The following GRM3 variants were observed in gnomAD, a reference collection of about 807,000 sequenced individuals.
GRM3 encodes metabotropic glutamate receptor 3.
GRM3 carries 26 observed loss-of-function variants against 70.5 expected under a neutral mutation model. The observed-to-expected ratio is 0.37, with a 90% CI of 0.27 to 0.51. GRM3 has a LOEUF of 0.51. Among genes scored for constraint, GRM3 ranks in the 20% least tolerant of loss-of-function variants. GRM3 has a pLI of 0.93. For missense variants in GRM3, 859 were observed against 1,123.8 expected, an observed-to-expected ratio of 0.76 and a Z score of 3.37; for synonymous variants, 443 against 434.9, an observed-to-expected ratio of 1.02 and a Z score of -0.23.
At chr7:86,755,201 A>T (rs1796316418) in intron 1 of GRM3, among the ~76,000 whole-genome samples, 1 of 152,062 alleles carries the variant, frequency 6.6e-6, no homozygotes, top group African/African-American at 2.4e-5. Flanking sequence ...TTTCCAGGAA[A>T]AAAAAAAAGG....
chr7:86,863,562 C>G (rs1798998756), intron 5 of GRM3, among the ~76,000 whole-genome samples: 1 of 152,134 alleles, frequency 6.6e-6, no homozygotes, highest in Non-Finnish European at 1.5e-5. Context: ...GAAACTGAAG[C>G]TCTTAGCAAC....
rs115192986 is a variant in GRM3 at position 86,658,475 on chromosome 7, A to G, written c.-141+13603A>G. On this transcript the variant is annotated intron_variant, in intron 1 of 5. Transcript: ENST00000361669. ...CCCTTCAGGGCTCAGTTTAAATTCT[A>G]TACTACTTCTGACCTTCTATAGTAG... is the stretch of plus-strand genomic sequence containing the variant. Among the ~76,000 whole-genome samples, 926 of 152,206 alleles carry G rather than the reference A, an allele frequency of 6.1e-3. 5 individuals carry two copies. The highest frequency in any genetic ancestry group is 0.017 in the African/African-American group (687 of 41,540).
intron 1 of GRM3, among the ~76,000 whole-genome samples, chr7:86,756,464 T>C (rs946953258): frequency 1.9e-4 from 29 of 152,168 alleles, no homozygotes; most frequent in Admixed American, 1.9e-3. Context: ...TTTCAACTTC[T>C]TAAAGTATAG....
At chr7:86,723,803 C>T (rs925002941) in intron 1 of GRM3, among the ~76,000 whole-genome samples, 2 of 152,098 alleles carry the variant, frequency 1.3e-5, no homozygotes, top group Non-Finnish European at 2.9e-5. Flanking sequence ...TGTTCCCCAG[C>T]TCCACCCTCA....
chr7:86,811,735 T>C (rs1339521216), intron 3 of GRM3, among the ~76,000 whole-genome samples: 1 of 151,826 alleles, frequency 6.6e-6, no homozygotes, highest in Non-Finnish European at 1.5e-5. Context: ...AACAACATTA[T>C]ATTAAGAATT....
At chr7:86,731,994 G>A (rs1795745577) in intron 1 of GRM3, among the ~76,000 whole-genome samples, 1 of 151,952 alleles carries the variant, frequency 6.6e-6, no homozygotes, top group South Asian at 2.1e-4. Flanking sequence ...ATTTTTCTAA[G>A]GTATTGAGGA....
intron 1 of GRM3, among the ~76,000 whole-genome samples, chr7:86,663,930 T>G (rs1422095525): frequency 1.3e-5 from 2 of 151,948 alleles, no homozygotes; most frequent in African/African-American, 4.8e-5. Flanking sequence ...TAGAGTTAAC[T>G]AAGTGAAGAG....
chr7:86,809,570 T>C (rs1002494669), intron 3 of GRM3, among the ~76,000 whole-genome samples: 1 of 152,072 alleles, frequency 6.6e-6, no homozygotes, highest in African/African-American at 2.4e-5. Context: ...TCTTTCCCCG[T>C]AATAATTTAT....
intron 1 of GRM3, among the ~76,000 whole-genome samples, chr7:86,683,702 G>T (rs1794495406): frequency 6.6e-6 from 1 of 152,244 alleles, no homozygotes; most frequent in East Asian, 1.9e-4. Flanking sequence ...GACCCATTAA[G>T]GAATATGTCT....
Position 86,766,831 on chromosome 7 carries a change from G to T in GRM3, c.468+1218G>T, listed in dbSNP as rs73194531. ...AAAGAAACTATACCACACTCATGTT[G>T]TCTTTTTATGTCATGAACCACTTAA... On this transcript the variant is annotated intron_variant, in intron 2 of 5. Coordinates refer to ENST00000361669, the MANE Select transcript of GRM3 (RefSeq NM_000840.3). Among the ~76,000 whole-genome samples, 86 of 152,232 alleles carry T rather than the reference G, an allele frequency of 5.6e-4. 1 individual carries two copies. The highest frequency in any genetic ancestry group is 1.0e-3 in the Non-Finnish European group (70 of 68,002).
intron 1 of GRM3, among the ~76,000 whole-genome samples, chr7:86,646,661 G>A (rs928773617): frequency 7.2e-5 from 11 of 152,094 alleles, no homozygotes; most frequent in African/African-American, 2.7e-4. Flanking sequence ...GCCCTTACCA[G>A]TGAAATGTGA....
At chr7:86,701,311 G>A (rs78674916) in intron 1 of GRM3, among the ~76,000 whole-genome samples, 2,047 of 151,848 alleles carry the variant, frequency 0.013, 38 homozygotes, top group African/African-American at 0.047. Context: ...TACTTGAGAA[G>A]TTATTCAAAA....
chr7:86,802,486 C>T (rs987215008), intron 3 of GRM3, among the ~76,000 whole-genome samples: 6 of 151,772 alleles, frequency 4.0e-5, no homozygotes, highest in African/African-American at 7.3e-5. Flanking sequence ...AAGAATGACT[C>T]ATAGGAAAGG....
chr7:86,790,901 C>A (rs11772755), intron 3 of GRM3, among the ~76,000 whole-genome samples: 17,955 of 151,982 alleles, frequency 0.12, 1,728 homozygotes, highest in African/African-American at 0.26. Flanking sequence ...TTCCCTTGTA[C>A]CCTGCTCTAC....
At chr7:86,754,077 G>A (rs898601421) in intron 1 of GRM3, among the ~76,000 whole-genome samples, 13 of 151,986 alleles carry the variant, frequency 8.6e-5, no homozygotes, top group African/African-American at 2.4e-4. Context: ...GTTCCATTAC[G>A]CCAGGTTTAA....
intron 1 of GRM3, among the ~76,000 whole-genome samples, chr7:86,708,652 C>T (rs1183129373): frequency 6.6e-6 from 1 of 152,066 alleles, no homozygotes; most frequent in African/African-American, 2.4e-5. Flanking sequence ...CCTCTTGGTG[C>T]TATGCAAGAG....
chr7:86,838,051 A>G (rs890669817), intron 3 of GRM3, among the ~76,000 whole-genome samples: 6 of 152,184 alleles, frequency 3.9e-5, no homozygotes, highest in African/African-American at 1.4e-4. Context: ...AGGGACTTGC[A>G]GAATCCTGTA....
At chr7:86,734,864 T>G (rs1485155205) in intron 1 of GRM3, among the ~76,000 whole-genome samples, 1 of 152,148 alleles carries the variant, frequency 6.6e-6, no homozygotes, top group African/African-American at 2.4e-5. Flanking sequence ...AAGTCACAAT[T>G]TTTTCTTTTA....
chr7:86,784,034 C>G (rs1368397326), intron 2 of GRM3, among the ~76,000 whole-genome samples: 14 of 152,240 alleles, frequency 9.2e-5, no homozygotes, highest in African/African-American at 2.9e-4. Context: ...TTTATTCTAG[C>G]CCACAGCCTT....
Sources: gnomAD v4.1 joint callset for allele counts (sites outside exome capture counted in the v4.1 genomes callset) on GRCh38, gnomAD v4.1.1 for gene constraint, MANE v1.5 for transcripts, NCBI Gene and HGNC (gene_info 2026-07-23, HGNC 2026-07-21) for gene names.